Variants in MLLT3 observed in about 807,000 individuals in gnomAD.
The protein encoded by MLLT3 is protein AF-9.
A neutral mutation model predicts 53.2 loss-of-function variants in MLLT3; 4 were observed. That is an observed-to-expected ratio of 0.08 (90% CI 0.04 to 0.17). MLLT3 has a LOEUF of 0.17. MLLT3 is among the 10% of genes least tolerant of loss of function. The pLI, the probability that MLLT3 is intolerant of heterozygous loss-of-function variation, is 1.00. For missense variants in MLLT3, 569 were observed against 684.0 expected (o/e 0.83, Z 1.87); for synonymous variants, 283 against 230.6 (o/e 1.23, Z -2.06).
intron 2 of MLLT3, among the ~76,000 whole-genome samples, chr9:20,554,922 AAATT>A (rs1291452626): frequency 7.2e-5 from 11 of 152,250 alleles, no homozygotes; most frequent in Non-Finnish European, 1.6e-4. Context: ...GGAAGTGGCT[AAATT>A]AATAACTGCC....
At chr9:20,590,999 G>A (rs567299813) in intron 2 of MLLT3, among the ~76,000 whole-genome samples, 14 of 151,812 alleles carry the variant, frequency 9.2e-5, no homozygotes, top group African/African-American at 1.7e-4. Flanking sequence ...ATCCTTCCAC[G>A]TCAACCTCCC....
chr9:20,494,423 A>G (rs550855769), intron 2 of MLLT3, among the ~76,000 whole-genome samples: 4 of 152,292 alleles, frequency 2.6e-5, no homozygotes, highest in Non-Finnish European at 5.9e-5. Context: ...GGGTCAACTT[A>G]AAATTAAGAA....
chr9:20,514,665 A>C (rs1057276100), intron 2 of MLLT3, among the ~76,000 whole-genome samples: 1 of 152,138 alleles, frequency 6.6e-6, no homozygotes, highest in Non-Finnish European at 1.5e-5. Flanking sequence ...GATGGCAGCA[A>C]GATCACAAAT....
Position 20,434,756 on chromosome 9 carries a change from A to T in MLLT3, c.420+13367T>A, listed in dbSNP as rs189328220. ...ATGAGGTTGTTCTTCTATCTATATC[A>T]CACACAAAAACAGAGCAAACAAAAA... On this transcript the variant is annotated intron_variant, in intron 4 of 10. Transcript: ENST00000380338. Among the ~76,000 whole-genome samples the T allele has an allele frequency of 4.1e-4, 63 of 152,240 alleles. No individual in the cohort carries two copies. In the East Asian group the frequency reaches 6.0e-3, roughly 14 times the overall value.
intron 2 of MLLT3, among the ~76,000 whole-genome samples, chr9:20,576,426 G>A (rs1819654633): frequency 6.6e-6 from 1 of 152,080 alleles, no homozygotes; most frequent in African/African-American, 2.4e-5. Flanking sequence ...TCTAGGTTTT[G>A]GCCATCTTGG....
At chr9:20,408,170 C>G (rs1822632270) in intron 5 of MLLT3, among the ~76,000 whole-genome samples, 1 of 152,140 alleles carries the variant, frequency 6.6e-6, no homozygotes, top group South Asian at 2.1e-4. Context: ...TCACAACCTT[C>G]TGCTACCCAA....
chr9:20,350,456 G>A (rs914483663), intron 10 of MLLT3, among the ~76,000 whole-genome samples: 4 of 151,630 alleles, frequency 2.6e-5, no homozygotes, highest in South Asian at 2.1e-4. Flanking sequence ...TTAGCCGGGC[G>A]TGGTGGCGGG....
chr9:20,348,013 T>A (rs1244905110), intron 10 of MLLT3, among the ~76,000 whole-genome samples: 3 of 152,138 alleles, frequency 2.0e-5, no homozygotes, highest in Non-Finnish European at 4.4e-5. Context: ...TGCTCCCCAT[T>A]CCTGACATAT....
Position 20,622,263 on chromosome 9 carries a change from G to A in MLLT3, c.-7C>T. On this transcript the variant is annotated 5_prime_UTR_variant, in exon 1 of 11. Coordinates refer to ENST00000380338, the MANE Select transcript of MLLT3 (RefSeq NM_004529.4). Reference sequence around the variant, plus strand: ...TACTTACCGAGCTAGCCATGCCTGGGGGCCCGGAGGTTTGCTGGGGTGTTG... The same window carrying A: ...TACTTACCGAGCTAGCCATGCCTGGAGGCCCGGAGGTTTGCTGGGGTGTTG... The A allele has an allele frequency of 1.3e-6, 2 of 1,596,040 alleles. No individual in the cohort carries two copies. The highest frequency in any genetic ancestry group is 1.7e-6 in the Non-Finnish European group (2 of 1,170,362).
chr9:20,376,723 G>T (rs1287951155), intron 5 of MLLT3, among the ~76,000 whole-genome samples: 2 of 152,092 alleles, frequency 1.3e-5, no homozygotes, highest in Admixed American at 1.3e-4. Context: ...TTAAGCAGAA[G>T]AGCCTCAAGT....
chr9:20,600,417 T>A (rs570656169), intron 2 of MLLT3, among the ~76,000 whole-genome samples: 1 of 152,328 alleles, frequency 6.6e-6, no homozygotes, highest in Non-Finnish European at 1.5e-5. Context: ...ATCAATACTT[T>A]AGAAATACAA....
intron 4 of MLLT3, among the ~76,000 whole-genome samples, chr9:20,434,092 G>A (rs1331280515): frequency 6.6e-6 from 1 of 152,082 alleles, no homozygotes; most frequent in Non-Finnish European, 1.5e-5. Context: ...CTGCACTCCA[G>A]CCTGGTGACA....
At chr9:20,354,731 G>C in intron 9 of MLLT3, 77 bp downstream of exon 9, 1 of 942,952 alleles carries the variant, frequency 1.1e-6, no homozygotes, top group Non-Finnish European at 1.7e-6. Flanking sequence ...GAACCAGCAA[G>C]GATGATCAAG....
chr9:20,620,585 G>C lies in MLLT3; in HGVS notation c.193+69C>G. On this transcript the variant is annotated intron_variant, in intron 2 of 10. Transcript: ENST00000380338. This position sits in a 1 kb window ranked among gnomAD's most constrained non-coding sequence, Gnocchi z 6.1. ...GCGGGGGGCGGGGAGCGGGACAGCGGGACCGCCCGGGCCAAGCGATTGTTT... is the reference window on the plus strand; with the variant it reads ...GCGGGGGGCGGGGAGCGGGACAGCGCGACCGCCCGGGCCAAGCGATTGTTT... 1.4e-6 allele frequency: 2 copies of C among 1,474,250 alleles called. No homozygotes were observed. The highest frequency in any genetic ancestry group is 1.8e-6 in the Non-Finnish European group (2 of 1,084,186). 91.3% of individuals were successfully genotyped at this position (1,474,250 alleles called of 1,614,324 possible). A position where few individuals can be genotyped will look rare whatever the true frequency, so the allele number is the denominator to read the frequency against.
chr9:20,359,420 A>G (rs1034486956), intron 8 of MLLT3, among the ~76,000 whole-genome samples: 2 of 152,220 alleles, frequency 1.3e-5, no homozygotes, highest in Admixed American at 6.5e-5. Flanking sequence ...GAGCCAGGAT[A>G]TGGAAAAAGA....
At chr9:20,439,125 G>A (rs1823480380) in intron 4 of MLLT3, among the ~76,000 whole-genome samples, 1 of 152,044 alleles carries the variant, frequency 6.6e-6, no homozygotes, top group Non-Finnish European at 1.5e-5. Flanking sequence ...GAGCTGAGGT[G>A]GGCAGATCAT....
chr9:20,535,666 T>A (rs1479779068), intron 2 of MLLT3, among the ~76,000 whole-genome samples: 1 of 152,184 alleles, frequency 6.6e-6, no homozygotes, highest in Non-Finnish European at 1.5e-5. Flanking sequence ...AGGATTACAA[T>A]ACGTACTGAC....
chr9:20,570,551 T>C (rs1027162511), intron 2 of MLLT3, among the ~76,000 whole-genome samples: 4 of 152,210 alleles, frequency 2.6e-5, no homozygotes, highest in African/African-American at 9.6e-5. Context: ...GGAATGTCTA[T>C]AACAACAAAA....
chr9:20,456,505 C>A (rs1823973958), intron 3 of MLLT3, among the ~76,000 whole-genome samples, 199 bp downstream of exon 3: 1 of 152,192 alleles, frequency 6.6e-6, no homozygotes, highest in Non-Finnish European at 1.5e-5. Context: ...AATCTGACTT[C>A]ATATAATTAA....
Sources: allele counts gnomAD v4.1 joint callset (sites outside exome capture counted in the v4.1 genomes callset), GRCh38; gene constraint gnomAD v4.1.1; non-coding constraint Gnocchi (gnomAD v3.1); transcripts MANE v1.5; gene names NCBI Gene and HGNC (gene_info 2026-07-23, HGNC 2026-07-21).